The following RBFOX3 variants were observed in gnomAD, a reference collection of about 807,000 sequenced individuals.
RBFOX3 encodes the protein RNA binding fox-1 homolog 3.
A neutral mutation model predicts 48.7 loss-of-function variants in RBFOX3; 17 were observed. The observed-to-expected ratio is 0.35, with a 90% confidence interval of 0.24 to 0.52. The LOEUF is 0.52. RBFOX3 is among the 20% of genes least tolerant of loss of function. The pLI is 0.94. For synonymous variants in RBFOX3, 212 were observed against 209.5 expected (o/e 1.01, Z -0.10); for missense variants, 382 against 497.5 (o/e 0.77, Z 2.21).
chr17:79,526,772 G>T (rs2086854234), intron 1 of RBFOX3, among the ~76,000 whole-genome samples: 1 of 152,244 alleles, frequency 6.6e-6, no homozygotes, highest in Non-Finnish European at 1.5e-5. Context: ...CTCATTCTCT[G>T]CAGAGAGTTT....
intron 4 of RBFOX3, among the ~76,000 whole-genome samples, chr17:79,177,217 C>T (rs980603620): frequency 6.6e-6 from 1 of 152,154 alleles, no homozygotes; most frequent in African/African-American, 2.4e-5. Context: ...TCTCCCCCCC[C>T]GCCCTCTCCC....
intron 2 of RBFOX3, among the ~76,000 whole-genome samples, chr17:79,397,733 G>GT (rs1212454661): frequency 6.6e-6 from 1 of 152,134 alleles, no homozygotes; most frequent in Non-Finnish European, 1.5e-5. Flanking sequence ...GTCACGGCAG[G>GT]GACCTGTTAC....
At chr17:79,116,070 G>C (rs2147014715) in intron 4 of RBFOX3, among the ~76,000 whole-genome samples, 1 of 152,302 alleles carries the variant, frequency 6.6e-6, no homozygotes, top group African/African-American at 2.4e-5. Context: ...ACCATTTTAA[G>C]GTAACTGTAG....
chr17:79,566,933 T>C (rs2092475242), intron 1 of RBFOX3, among the ~76,000 whole-genome samples: 1 of 152,226 alleles, frequency 6.6e-6, no homozygotes, highest in South Asian at 2.1e-4. Flanking sequence ...CTGGTTCATG[T>C]GCACCTCTGT....
chr17:79,255,151 C>A (rs1217432033), intron 3 of RBFOX3, among the ~76,000 whole-genome samples: 2 of 152,122 alleles, frequency 1.3e-5, no homozygotes, highest in African/African-American at 4.8e-5. Context: ...AGGCCACACC[C>A]CTCCCAGCCA....
At chr17:79,306,591 G>T (rs2076136684) in intron 3 of RBFOX3, among the ~76,000 whole-genome samples, 1 of 152,172 alleles carries the variant, frequency 6.6e-6, no homozygotes, top group Admixed American at 6.5e-5. Flanking sequence ...CTTCCTCAGG[G>T]GCCATCCCGA....
chr17:79,431,670 A>T, intron 2 of RBFOX3, among the ~76,000 whole-genome samples: 1 of 152,140 alleles, frequency 6.6e-6, no homozygotes, highest in East Asian at 1.9e-4. Flanking sequence ...TCTTTAGTAG[A>T]GACAGGGTTT....
At chr17:79,229,230 CAAAAAAAAAAAAAAAAAAAAAAAAA>C (rs59934894) in intron 4 of RBFOX3, among the ~76,000 whole-genome samples, 1 of 33,712 alleles carries the variant, frequency 3.0e-5, no homozygotes, top group South Asian at 2.1e-3. Flanking sequence ...GAGACTCTGT[CAAAAAAAAAAAAAAAAAAAAAAAAA>C]AAAAAAAAAA....
the RBFOX3 span, among the ~76,000 whole-genome samples, chr17:79,643,084 A>G: frequency 2.0e-5 from 3 of 152,168 alleles, no homozygotes; most frequent in African/African-American, 7.2e-5. Flanking sequence ...CCTGAGCAAC[A>G]AAGTTGGACC....
At chr17:79,346,013 C>A (rs36047068) in intron 2 of RBFOX3, among the ~76,000 whole-genome samples, 1 of 152,006 alleles carries the variant, frequency 6.6e-6, no homozygotes, top group South Asian at 2.1e-4. Flanking sequence ...CTGCACCTCC[C>A]GGGTTCAAGC....
chr17:79,418,941 C>T lies in RBFOX3; in HGVS notation c.-175+63513G>A, dbSNP rs2065807264. 6.6e-6 allele frequency among the ~76,000 whole-genome samples: 1 copy of T among 152,164 alleles called. No individual in the cohort carries two copies. The highest frequency in any genetic ancestry group is 2.4e-5 in the African/African-American group (1 of 41,426). On this transcript the variant is annotated intron_variant, in intron 2 of 14. Transcript: ENST00000693108. The surrounding 1 kb of genome is among the most constrained non-coding windows in gnomAD (Gnocchi z 5.0). ...AATCTATAGCAATTATATTCACATT[C>T]TGCTAGACAAATAGATTTTACAAGC...
intron 2 of RBFOX3, among the ~76,000 whole-genome samples, chr17:79,455,618 T>C (rs1555744401): frequency 6.6e-6 from 1 of 152,084 alleles, no homozygotes; most frequent in African/African-American, 2.4e-5. Flanking sequence ...CACACTCACA[T>C]GCGCACACGT....
chr17:79,446,799 C>T (rs1444156649), intron 2 of RBFOX3, among the ~76,000 whole-genome samples: 2 of 112,966 alleles, frequency 1.8e-5, no homozygotes, highest in Non-Finnish European at 4.4e-5. Context: ...GAGCTGCACA[C>T]GGCCCATGGG....
rs1335442521 is a variant in RBFOX3 at position 79,092,645 on chromosome 17, C to A, written c.1078-1760G>T. 1.5e-5 allele frequency: 15 copies of A among 984,810 alleles called. No individual in the cohort carries two copies. The African/African-American group carries it at 2.5e-4, about 16-fold the overall frequency. 61.0% of individuals were successfully genotyped at this position (984,810 alleles called of 1,614,324 possible). A position where few individuals can be genotyped will look rare whatever the true frequency, so the allele number is the denominator to read the frequency against. On this transcript the variant is annotated intron_variant, in intron 14 of 14. Transcript: ENST00000693108. ...ACCCTCCTCGGCAGAGGCTAGCCTGCAACATCAAAGATGAAAAACAGCCAA... is the reference window on the plus strand; with the variant it reads ...ACCCTCCTCGGCAGAGGCTAGCCTGAAACATCAAAGATGAAAAACAGCCAA...
chr17:79,365,142 C>T (rs1424888236), intron 2 of RBFOX3, among the ~76,000 whole-genome samples: 1 of 152,076 alleles, frequency 6.6e-6, no homozygotes, highest in Non-Finnish European at 1.5e-5. Flanking sequence ...CACACACACA[C>T]ACACTCTCTC....
At chr17:79,564,475 C>T (rs1568419564) in intron 1 of RBFOX3, among the ~76,000 whole-genome samples, 2 of 152,120 alleles carry the variant, frequency 1.3e-5, no homozygotes, top group Admixed American at 6.5e-5. Flanking sequence ...TAATAGGAGC[C>T]GAACCTTCCT....
intron 1 of RBFOX3, among the ~76,000 whole-genome samples, chr17:79,497,761 A>G (rs2081763939): frequency 6.6e-6 from 1 of 152,206 alleles, no homozygotes; most frequent in African/African-American, 2.4e-5. Flanking sequence ...ACCTTACAGC[A>G]ACACAGATGG....
intron 4 of RBFOX3, among the ~76,000 whole-genome samples, chr17:79,145,351 G>A (rs982173999): frequency 7.2e-5 from 11 of 152,192 alleles, no homozygotes; most frequent in African/African-American, 2.2e-4. Flanking sequence ...AAACGTGGCC[G>A]CACCCTGAAA....
intron 2 of RBFOX3, among the ~76,000 whole-genome samples, chr17:79,313,083 C>T (rs1012676349): frequency 2.6e-5 from 4 of 152,220 alleles, no homozygotes; most frequent in Non-Finnish European, 4.4e-5. Flanking sequence ...AAGAGCTCAG[C>T]GCGGCACCTC....
Sources: gnomAD v4.1 joint callset for allele counts (sites outside exome capture counted in the v4.1 genomes callset) on GRCh38, gnomAD v4.1.1 for gene constraint, Gnocchi (gnomAD v3.1) non-coding constraint, MANE v1.5 for transcripts, NCBI Gene and HGNC (gene_info 2026-07-23, HGNC 2026-07-21) for gene names.